Variants in L3MBTL4 observed in about 807,000 individuals in gnomAD.
The protein encoded by L3MBTL4 is lethal(3)malignant brain tumor-like protein 4.
Under a neutral mutation model 84.5 loss-of-function variants are expected in L3MBTL4, and 70 were observed. The observed-to-expected ratio is 0.83, with a 90% CI of 0.68 to 1.01. L3MBTL4 has a LOEUF of 1.01. L3MBTL4 is among the 50% of genes least tolerant of loss of function. The pLI, the probability that L3MBTL4 is intolerant of heterozygous loss-of-function variation, is 0.00. For missense variants in L3MBTL4, 715 were observed against 754.8 expected, an observed-to-expected ratio of 0.95 and a Z score of 0.62; for synonymous variants, 274 against 259.8, an observed-to-expected ratio of 1.05 and a Z score of -0.52.
intron 1 of L3MBTL4, among the ~76,000 whole-genome samples, chr18:6,391,907 T>C (rs1292688708): frequency 1.3e-5 from 2 of 152,246 alleles, no homozygotes; most frequent in Non-Finnish European, 2.9e-5. Flanking sequence ...AGAATCAATA[T>C]TGTGAAAATA....
At chr18:6,016,060 C>T (rs940072111) in intron 16 of L3MBTL4, among the ~76,000 whole-genome samples, 24 of 152,290 alleles carry the variant, frequency 1.6e-4, no homozygotes, top group Middle Eastern at 3.4e-3. Context: ...ATGGTCAGGG[C>T]AGGCCTCCAC....
intron 1 of L3MBTL4, among the ~76,000 whole-genome samples, chr18:6,335,449 T>TATTAGAGTGTCATGACTACTCTAAAATCA (rs1442837757): frequency 6.6e-6 from 1 of 152,178 alleles, no homozygotes; most frequent in Admixed American, 6.5e-5. Flanking sequence ...ATTATATGGG[T>TATTAGAGTGTCATGACTACTCTAAAATCA]ATTAGAGTGT....
chr18:6,076,451 A>T (rs2057858169), intron 16 of L3MBTL4, among the ~76,000 whole-genome samples: 2 of 152,212 alleles, frequency 1.3e-5, no homozygotes, highest in Non-Finnish European at 2.9e-5. Flanking sequence ...AGGAGGAATG[A>T]TAGGGGTCAG....
chr18:6,182,559 C>T (rs2044525746), intron 12 of L3MBTL4, among the ~76,000 whole-genome samples: 1 of 152,096 alleles, frequency 6.6e-6, no homozygotes, highest in East Asian at 1.9e-4. Flanking sequence ...TCCAATTTGT[C>T]AATTTTTATT....
chr18:6,059,384 A>G (rs2057132830), intron 16 of L3MBTL4, among the ~76,000 whole-genome samples: 1 of 152,232 alleles, frequency 6.6e-6, no homozygotes, highest in South Asian at 2.1e-4. Context: ...TTCTTGCAGT[A>G]TAACTTTTCT....
chr18:6,047,472 A>C (rs1940956), intron 16 of L3MBTL4, among the ~76,000 whole-genome samples: 76,952 of 151,940 alleles, frequency 0.51, 20,560 homozygotes, highest in African/African-American at 0.66. Context: ...AGGCCAATAT[A>C]CCTGATAAAT....
At chr18:6,268,599 T>G (rs180777761) in intron 4 of L3MBTL4, among the ~76,000 whole-genome samples, 2 of 152,308 alleles carry the variant, frequency 1.3e-5, no homozygotes. Flanking sequence ...TCAGACATAC[T>G]ACAGATATGG....
intron 16 of L3MBTL4, among the ~76,000 whole-genome samples, chr18:6,064,458 A>G (rs182021442): frequency 3.1e-4 from 47 of 152,090 alleles, no homozygotes; most frequent in Admixed American, 7.2e-4. Flanking sequence ...CAGTATAGTC[A>G]TTTTCACAAT....
At chr18:6,061,067 G>A (rs143508122) in intron 16 of L3MBTL4, among the ~76,000 whole-genome samples, 87 of 152,144 alleles carry the variant, frequency 5.7e-4, no homozygotes, top group African/African-American at 1.9e-3. Context: ...TTTTACTTTC[G>A]TAAGAAACTT....
At chr18:6,078,930 A>G (rs1598668984) in intron 16 of L3MBTL4, among the ~76,000 whole-genome samples, 2 of 152,304 alleles carry the variant, frequency 1.3e-5, no homozygotes, top group East Asian at 3.9e-4. Context: ...TCTCATAAGG[A>G]ACACGCAATC....
intron 16 of L3MBTL4, among the ~76,000 whole-genome samples, chr18:5,996,513 C>T (rs1438933219): frequency 6.6e-6 from 1 of 152,140 alleles, no homozygotes; most frequent in Non-Finnish European, 1.5e-5. Context: ...GACGCCGGGA[C>T]CAGCATGCAG....
Position 6,213,132 on chromosome 18 carries a change from T to C in L3MBTL4, c.981+17A>G, listed in dbSNP as rs376641738. ...GAAAAATATTGATATAATAACATAA[T>C]AATTTAAAATATGTACCTTTACTCT... On this transcript the variant is annotated intron_variant, in intron 12 of 18. Transcript: ENST00000317931. 228 of 1,374,914 alleles carry C rather than the reference T, an allele frequency of 1.7e-4. No homozygotes were observed. The highest frequency in any genetic ancestry group is 2.2e-4 in the Non-Finnish European group (217 of 995,416). The allele number at this position is 1,374,914 out of a possible 1,614,324, so 85.2% of individuals were successfully genotyped here. A position where few individuals can be genotyped will look rare whatever the true frequency, so the allele number is the denominator to read the frequency against.
chr18:6,048,190 A>T (rs2056701725), intron 16 of L3MBTL4, among the ~76,000 whole-genome samples: 1 of 152,170 alleles, frequency 6.6e-6, no homozygotes, highest in Non-Finnish European at 1.5e-5. Context: ...GAGGTGAAAG[A>T]TCTCTATAAA....
chr18:6,206,807 C>T (rs1216731531), intron 12 of L3MBTL4, among the ~76,000 whole-genome samples: 1 of 152,058 alleles, frequency 6.6e-6, no homozygotes, highest in African/African-American at 2.4e-5. Context: ...ATTTCTTCTA[C>T]CTTTTTTTAC....
chr18:6,287,410 C>G (rs1304188315), intron 4 of L3MBTL4, among the ~76,000 whole-genome samples: 1 of 152,170 alleles, frequency 6.6e-6, no homozygotes, highest in African/African-American at 2.4e-5. Context: ...TGATGCTTTC[C>G]CTTCCCTTCC....
At chr18:6,209,832 T>C (rs1185663947) in intron 12 of L3MBTL4, among the ~76,000 whole-genome samples, 7 of 152,226 alleles carry the variant, frequency 4.6e-5, no homozygotes, top group Non-Finnish European at 2.9e-5. Context: ...AGTACTGATA[T>C]TTACTACAGT....
chr18:6,235,110 T>C (rs560798509), intron 10 of L3MBTL4, among the ~76,000 whole-genome samples: 3 of 152,068 alleles, frequency 2.0e-5, no homozygotes, highest in Non-Finnish European at 4.4e-5. Context: ...TAGGTGGGAA[T>C]TGAACAATGA....
chr18:5,958,180 C>A lies in L3MBTL4; in HGVS notation c.1678-1793G>T, dbSNP rs1028773803. On this transcript the variant is annotated intron_variant, in intron 18 of 18. Transcript: ENST00000317931. ...AAGAACAAGAAGAAGAAGAAGACGA[C>A]GAAGAAGAAGAGGAAGAAAAATCCT... Among the ~76,000 whole-genome samples, 3 of 148,630 alleles carry A rather than the reference C, an allele frequency of 2.0e-5. 1 individual carries two copies. Among genetic ancestry groups the A allele is most frequent in the East Asian group, 4.0e-4 (2 of 5,024 alleles).
chr18:6,238,998 AGGCTTTCG>A (rs1203917495), intron 9 of L3MBTL4, among the ~76,000 whole-genome samples: 1 of 151,866 alleles, frequency 6.6e-6, no homozygotes, highest in Non-Finnish European at 1.5e-5. Flanking sequence ...TGCTCCCCAT[AGGCTTTCG>A]AAGAATTCAC....
Sources: gnomAD v4.1 joint callset for allele counts (sites outside exome capture counted in the v4.1 genomes callset) on GRCh38, gnomAD v4.1.1 for gene constraint, MANE v1.5 for transcripts, NCBI Gene and HGNC (gene_info 2026-07-23, HGNC 2026-07-21) for gene names.